The following SNX29 variants were observed in gnomAD, a reference collection of about 807,000 sequenced individuals.
SNX29 encodes sorting nexin 29.
SNX29 carries 78 observed loss-of-function variants against 102.1 expected under a neutral mutation model. That is an observed-to-expected ratio of 0.76 (90% CI 0.64 to 0.92). The LOEUF (loss-of-function observed/expected upper bound fraction) is 0.92. Ranked by LOEUF, SNX29 falls within the 40% of genes least tolerant of loss-of-function variation. The probability of loss-of-function intolerance (pLI) is 0.00; values close to 1 mark genes in which losing one functional copy is unlikely to be tolerated. For synonymous variants in SNX29, 580 were observed against 414.5 expected, an observed-to-expected ratio of 1.40 and a Z score of -4.85; for missense variants, 1,280 against 1,061.7, an observed-to-expected ratio of 1.21 and a Z score of -2.86.
At chr16:12,176,104 A>G (rs1033591764) in intron 13 of SNX29, among the ~76,000 whole-genome samples, 2 of 152,204 alleles carry the variant, frequency 1.3e-5, no homozygotes, top group African/African-American at 2.4e-5. Context: ...AAAGGCAGCC[A>G]TCTACAAATC....
intron 10 of SNX29, among the ~76,000 whole-genome samples, chr16:12,073,449 C>T (rs1003073422): frequency 2.0e-5 from 3 of 151,998 alleles, no homozygotes; most frequent in Non-Finnish European, 4.4e-5. Context: ...CATTCAGGAG[C>T]GGGTTGTTCA....
intron 4 of SNX29, among the ~76,000 whole-genome samples, chr16:12,037,968 AAAAACAAAAC>A (rs150897010): frequency 1.7e-4 from 25 of 149,966 alleles, no homozygotes; most frequent in Middle Eastern, 3.2e-3. Flanking sequence ...CCCGCCCCTC[AAAAACAAAAC>A]AAAACAAAAC....
intron 15 of SNX29, among the ~76,000 whole-genome samples, chr16:12,331,482 G>A (rs2081290367): frequency 6.6e-6 from 1 of 152,136 alleles, no homozygotes; most frequent in Non-Finnish European, 1.5e-5. Flanking sequence ...TGTCATTGTG[G>A]GCATGTTCCT....
chr16:12,328,719 G>A (rs764172739), intron 15 of SNX29, among the ~76,000 whole-genome samples: 3 of 152,160 alleles, frequency 2.0e-5, no homozygotes, highest in Non-Finnish European at 2.9e-5. Context: ...AGTCTGCTAA[G>A]TCTTATTTTC....
intron 15 of SNX29, among the ~76,000 whole-genome samples, chr16:12,317,056 C>T (rs2080768259): frequency 6.6e-6 from 1 of 152,232 alleles, no homozygotes; most frequent in South Asian, 2.1e-4. Flanking sequence ...AGTTTGCCTC[C>T]TACCTGCCCA....
intron 14 of SNX29, among the ~76,000 whole-genome samples, chr16:12,228,159 T>G (rs2077669362): frequency 6.6e-6 from 1 of 152,168 alleles, no homozygotes; most frequent in South Asian, 2.1e-4. Context: ...GTCTGCACTT[T>G]AACAAGGCCC....
At position 12,052,096 on chromosome 16, in the gene SNX29, G is replaced by T. The variant is rs371644200; in HGVS notation, c.998G>T (p.Gly333Val). The T allele has an allele frequency of 3.7e-6, 6 of 1,613,944 alleles. No individual in the cohort carries two copies. In the Admixed American group the frequency reaches 1.0e-4, roughly 27 times the overall value. Residue 333 changes from glycine to valine, a missense_variant, in exon 8 of 21, where the codon GGG becomes GTG. Coordinates refer to ENST00000566228, the MANE Select transcript of SNX29 (RefSeq NM_032167.5). ...AAAATTGATTCCCTGTCTTTGAACG[G>T]GGAGTTTGGGTACCAGAAGCTTGAT... ...SWKIDSLSLN[G>V]EFGYQKLDVK...
chr16:12,252,348 C>A (rs539363262), intron 14 of SNX29, among the ~76,000 whole-genome samples: 1 of 152,326 alleles, frequency 6.6e-6, no homozygotes, highest in Non-Finnish European at 1.5e-5. Context: ...TGGCCTCCCA[C>A]CTGGCGGCTA....
At chr16:12,260,019 G>A (rs936894152) in intron 14 of SNX29, among the ~76,000 whole-genome samples, 1 of 152,170 alleles carries the variant, frequency 6.6e-6, no homozygotes, top group African/African-American at 2.4e-5. Flanking sequence ...CTTCTCTTCT[G>A]TTCCTGCAGG....
intron 14 of SNX29, among the ~76,000 whole-genome samples, chr16:12,201,700 A>G (rs908268972): frequency 6.6e-6 from 1 of 152,194 alleles, no homozygotes; most frequent in South Asian, 2.1e-4. Flanking sequence ...GCACGTCTAG[A>G]TAATGTGACT....
intron 16 of SNX29, among the ~76,000 whole-genome samples, chr16:12,367,677 CG>C (rs1280431707): frequency 2.1e-4 from 32 of 152,194 alleles, no homozygotes; most frequent in African/African-American, 7.7e-4. Flanking sequence ...ATTTTTCTGC[CG>C]GGTGGCACTT....
At chr16:12,471,397 C>T (rs1384612957) in intron 18 of SNX29, among the ~76,000 whole-genome samples, 2 of 152,206 alleles carry the variant, frequency 1.3e-5, no homozygotes. Context: ...GCCTCTAGCA[C>T]TATCTTCATT....
At chr16:12,503,852 CTGTTT>C (rs1175136893) in intron 19 of SNX29, among the ~76,000 whole-genome samples, 1 of 152,204 alleles carries the variant, frequency 6.6e-6, no homozygotes, top group Non-Finnish European at 1.5e-5. Flanking sequence ...TTCCATTGTT[CTGTTT>C]GAGCCATGTG....
chr16:12,009,804 A>T (rs2056587373), intron 3 of SNX29, among the ~76,000 whole-genome samples: 1 of 152,180 alleles, frequency 6.6e-6, no homozygotes, highest in Non-Finnish European at 1.5e-5. Context: ...TCTTTGGAAT[A>T]TTTTGCCCTC....
intron 16 of SNX29, among the ~76,000 whole-genome samples, chr16:12,361,422 G>A (rs6498279): frequency 0.51 from 77,414 of 152,056 alleles, 20,229 homozygotes; most frequent in Non-Finnish European, 0.58. Context: ...AATAAAACCC[G>A]ATTAACCTGT....
At chr16:12,046,345 A>G (rs1447262024) in intron 5 of SNX29, 39 bp from the exon 6 acceptor site, 1 of 1,605,380 alleles carries the variant, frequency 6.2e-7, no homozygotes, top group Non-Finnish European at 8.5e-7. Context: ...ACAGAGAACC[A>G]CTGCTAAGAA....
At chr16:12,399,001 C>T (rs1195907551) in intron 17 of SNX29, among the ~76,000 whole-genome samples, 1 of 152,112 alleles carries the variant, frequency 6.6e-6, no homozygotes, top group Non-Finnish European at 1.5e-5. Context: ...TGATTGGGTT[C>T]AATTCTATTT....
chr16:12,246,487 TA>T (rs1567353186), intron 14 of SNX29, among the ~76,000 whole-genome samples: 1 of 151,906 alleles, frequency 6.6e-6, no homozygotes, highest in Non-Finnish European at 1.5e-5. Context: ...TTAAAAATAC[TA>T]AAATTAGCTG....
rs2079245354 is a variant in SNX29 at position 12,574,197 on chromosome 16, T to TA, written c.*5570dup. On this transcript the variant is annotated 3_prime_UTR_variant, in exon 21 of 21. Transcript: ENST00000566228. ...CTTGTATTAAAATTTTCTTTTGGAA[T>TA]AAGCTGTGGAAATTTTGTTACAACC... 2 of 178,716 alleles carry TA rather than the reference T, an allele frequency of 1.1e-5. No individual in the cohort carries two copies. The highest frequency in any genetic ancestry group is 4.0e-4 in the South Asian group (2 of 5,054). The allele number at this position is 178,716 out of a possible 1,614,324, so 11.1% of individuals were successfully genotyped here.
Sources: gnomAD v4.1 joint callset for allele counts (sites outside exome capture counted in the v4.1 genomes callset) on GRCh38, gnomAD v4.1.1 for gene constraint, MANE v1.5 for transcripts, NCBI Gene and HGNC (gene_info 2026-07-23, HGNC 2026-07-21) for gene names.